The following IMMP2L variants were observed in gnomAD, a reference collection of about 807,000 sequenced individuals.
The protein encoded by IMMP2L is inner mitochondrial membrane peptidase subunit 2.
In IMMP2L, 18 loss-of-function variants were observed where a neutral mutation model predicts 19.3. The observed-to-expected ratio is 0.93, with a 90% CI of 0.64 to 1.38. The LOEUF (loss-of-function observed/expected upper bound fraction) is 1.38. IMMP2L is among the 40% of genes most tolerant of loss of function. IMMP2L has a pLI of 0.00. For missense variants in IMMP2L, 233 were observed against 218.2 expected (o/e 1.07, Z -0.43); for synonymous variants, 76 against 73.0 (o/e 1.04, Z -0.21).
chr7:110,703,602 G>C (rs555432521), intron 5 of IMMP2L, among the ~76,000 whole-genome samples: 2 of 152,184 alleles, frequency 1.3e-5, no homozygotes, highest in South Asian at 2.1e-4. Context: ...TTGCCTTGTA[G>C]AAATAATGTT....
chr7:111,015,578 G>A (rs917353814), intron 3 of IMMP2L, among the ~76,000 whole-genome samples: 5 of 152,020 alleles, frequency 3.3e-5, no homozygotes, highest in Non-Finnish European at 1.5e-5. Context: ...ATAGAAAAAA[G>A]GGCCACTTAT....
intron 3 of IMMP2L, among the ~76,000 whole-genome samples, chr7:111,242,056 G>C (rs1202687425): frequency 6.6e-6 from 1 of 151,966 alleles, no homozygotes; most frequent in East Asian, 1.9e-4. Context: ...ATTATTCACT[G>C]AGTTTTGCAT....
At chr7:111,083,288 A>G (rs1032457255) in intron 3 of IMMP2L, among the ~76,000 whole-genome samples, 1 of 152,218 alleles carries the variant, frequency 6.6e-6, no homozygotes, top group Non-Finnish European at 1.5e-5. Flanking sequence ...ATAATAAAAA[A>G]TTATCTCAGC....
rs1229911201 is a variant in IMMP2L, at chr7:110,992,224, T to A, written c.240-28659A>T. Reference sequence around the variant, plus strand: ...TGCATTATATATAACAAACATTTAATAAATATTTATTAATTAGAAATTGCA... The same window carrying A: ...TGCATTATATATAACAAACATTTAAAAAATATTTATTAATTAGAAATTGCA... On this transcript the variant is annotated intron_variant, in intron 3 of 5. Transcript: ENST00000405709. Among the ~76,000 whole-genome samples the A allele has an allele frequency of 2.6e-5, 4 of 152,142 alleles. No homozygotes were observed. The East Asian group carries it at 7.7e-4, about 29-fold the overall frequency.
intron 3 of IMMP2L, among the ~76,000 whole-genome samples, chr7:110,974,704 A>G (rs973378991): frequency 6.6e-6 from 1 of 152,082 alleles, no homozygotes; most frequent in Admixed American, 6.6e-5. Context: ...CTAATTCTTT[A>G]CATCCCCATC....
Position 111,049,148 on chromosome 7 carries a change from T to TGG in IMMP2L, c.240-85585_240-85584dup, listed in dbSNP as rs1279812796. 3.0e-3 allele frequency among the ~76,000 whole-genome samples: 304 copies of TGG among 99,738 alleles called. 3 individuals carry two copies. Among genetic ancestry groups the TGG allele is most frequent in the African/African-American group, 0.011 (286 of 26,718 alleles). The allele number at this position is 99,738 out of a possible 152,430, so 65.4% of individuals were successfully genotyped here. A position where few individuals can be genotyped will look rare whatever the true frequency, so the allele number is the denominator to read the frequency against. ...TTTTTTTTTTTTTCTTTTTTTTTTT[T>TGG]GGGACGGAGTCTCGCTCTGTCGCCC... On this transcript the variant is annotated intron_variant, in intron 3 of 5. Transcript: ENST00000405709.
At chr7:111,452,907 G>C (rs540052619) in intron 3 of IMMP2L, among the ~76,000 whole-genome samples, 6 of 152,078 alleles carry the variant, frequency 3.9e-5, no homozygotes, top group Non-Finnish European at 8.8e-5. Context: ...TTGCTAGAAA[G>C]TAAGCTTCAA....
chr7:111,163,025 A>G (rs1306377569), intron 3 of IMMP2L, among the ~76,000 whole-genome samples: 1 of 152,054 alleles, frequency 6.6e-6, no homozygotes, highest in Admixed American at 6.6e-5. Context: ...CTGCTCTTAT[A>G]GAGCAGTTGC....
intron 3 of IMMP2L, among the ~76,000 whole-genome samples, chr7:111,034,308 T>C (rs183170794): frequency 6.6e-6 from 1 of 152,066 alleles, no homozygotes; most frequent in Non-Finnish European, 1.5e-5. Context: ...AAGACAGACA[T>C]GTACACAATC....
intron 3 of IMMP2L, among the ~76,000 whole-genome samples, chr7:111,399,330 T>C (rs1031084106): frequency 6.6e-6 from 1 of 151,956 alleles, no homozygotes; most frequent in Non-Finnish European, 1.5e-5. Context: ...TAAACCCAAA[T>C]ACATACAGCC....
intron 5 of IMMP2L, among the ~76,000 whole-genome samples, chr7:110,733,922 G>C (rs1796447273): frequency 6.6e-6 from 1 of 152,054 alleles, no homozygotes. Context: ...CCAGCACCCT[G>C]ACCTTTAACT....
In IMMP2L at chr7:111,232,072, A is replaced by G. The variant is rs1301381244; in HGVS notation, c.239+255166T>C. Among the ~76,000 whole-genome samples the G allele has an allele frequency of 5.9e-5, 9 of 152,182 alleles. No individual in the cohort carries two copies. In the South Asian group the frequency reaches 1.2e-3, roughly 21 times the overall value. Reference sequence around the variant, plus strand: ...TAAAAGAAATGTTTAATAAATGTGTACTAGATTAATAAATATTTAGTATTT... The same window carrying G: ...TAAAAGAAATGTTTAATAAATGTGTGCTAGATTAATAAATATTTAGTATTT... On this transcript the variant is annotated intron_variant, in intron 3 of 5. Coordinates refer to ENST00000405709, the MANE Select transcript of IMMP2L (RefSeq NM_032549.4).
chr7:111,225,005 G>C (rs1016699040), intron 3 of IMMP2L, among the ~76,000 whole-genome samples: 4 of 152,132 alleles, frequency 2.6e-5, no homozygotes, highest in Non-Finnish European at 5.9e-5. Flanking sequence ...TGCAACTAGA[G>C]TACAATGGTT....
At chr7:110,967,731 C>T (rs1305921130) in intron 3 of IMMP2L, among the ~76,000 whole-genome samples, 1 of 152,038 alleles carries the variant, frequency 6.6e-6, no homozygotes, top group Non-Finnish European at 1.5e-5. Context: ...ATGTTTTTCA[C>T]TATCCTAAAG....
intron 1 of IMMP2L, among the ~76,000 whole-genome samples, chr7:111,534,207 T>A (rs1170212997): frequency 3.3e-5 from 5 of 152,110 alleles, no homozygotes; most frequent in Non-Finnish European, 5.9e-5. Flanking sequence ...TGCAAAGATA[T>A]GATCAACGAT....
intron 3 of IMMP2L, among the ~76,000 whole-genome samples, chr7:111,056,516 G>A (rs1327750542): frequency 6.6e-6 from 1 of 152,168 alleles, no homozygotes; most frequent in Non-Finnish European, 1.5e-5. Flanking sequence ...TTGAGGTAAA[G>A]CCCTTTCGTA....
At chr7:111,085,887 C>T (rs547173757) in intron 3 of IMMP2L, among the ~76,000 whole-genome samples, 5 of 152,094 alleles carry the variant, frequency 3.3e-5, no homozygotes, top group African/African-American at 4.8e-5. Flanking sequence ...AATGCAGGAA[C>T]AGAAAACCAA....
intron 5 of IMMP2L, among the ~76,000 whole-genome samples, chr7:110,682,006 G>T (rs1428255882): frequency 6.6e-6 from 1 of 152,152 alleles, no homozygotes; most frequent in Non-Finnish European, 1.5e-5. Context: ...AAAGAAAAAT[G>T]TGTTGAGATT....
chr7:111,440,161 T>G (rs745676598), intron 3 of IMMP2L, among the ~76,000 whole-genome samples: 9 of 151,888 alleles, frequency 5.9e-5, no homozygotes, highest in Admixed American at 2.6e-4. Flanking sequence ...CTGCTGTTCA[T>G]GTTGGTATTT....
Sources: gnomAD v4.1 joint callset for allele counts (sites outside exome capture counted in the v4.1 genomes callset) on GRCh38, gnomAD v4.1.1 for gene constraint, MANE v1.5 for transcripts, NCBI Gene and HGNC (gene_info 2026-07-23, HGNC 2026-07-21) for gene names.